PTPRD: variants seen among roughly 807,000 people sequenced by gnomAD.
PTPRD encodes protein tyrosine phosphatase receptor type D.
A neutral mutation model predicts 214.5 loss-of-function variants in PTPRD; 34 were observed. That is an observed-to-expected ratio of 0.16 (90% CI 0.12 to 0.21). The LOEUF (loss-of-function observed/expected upper bound fraction) is 0.21, where lower values mean the gene tolerates loss of function less well. Among genes scored for constraint, PTPRD ranks in the 10% least tolerant of loss-of-function variants. The pLI is 1.00. For synonymous variants in PTPRD, 1,128 were observed against 845.7 expected, an observed-to-expected ratio of 1.33 and a Z score of -5.79; for missense variants, 2,545 against 2,398.7, an observed-to-expected ratio of 1.06 and a Z score of -1.27.
chr9:8,447,505 G>A (rs2095779731), intron 34 of PTPRD, among the ~76,000 whole-genome samples: 1 of 152,080 alleles, frequency 6.6e-6, no homozygotes, highest in Non-Finnish European at 1.5e-5. Flanking sequence ...CTTGAGTTTG[G>A]CCATATTTGC....
intron 8 of PTPRD, among the ~76,000 whole-genome samples, chr9:9,511,375 T>C (rs1224548514): frequency 1.3e-5 from 2 of 151,760 alleles, no homozygotes; most frequent in East Asian, 1.9e-4. Context: ...TTTAAGCACA[T>C]AGCTGATGCT....
intron 2 of PTPRD, among the ~76,000 whole-genome samples, chr9:10,586,629 G>A (rs2132654545): frequency 6.6e-6 from 1 of 152,046 alleles, no homozygotes; most frequent in South Asian, 2.1e-4. Flanking sequence ...TTTGCTTGCG[G>A]GCATAAGACT....
rs2087533085 is a variant in PTPRD, at chr9:9,574,077, T to C, written c.-237+655A>G. Among the ~76,000 whole-genome samples, 4 of 151,878 alleles carry C rather than the reference T, an allele frequency of 2.6e-5. No homozygotes were observed. The South Asian group carries it at 8.3e-4, about 31-fold the overall frequency. ...ATAAGCAACAGATAAACTCTGAAAG[T>C]TGGCTTAGTGAAAATTAATTTCATC... On this transcript the variant is annotated intron_variant, in intron 8 of 45. Transcript: ENST00000381196.
intron 2 of PTPRD, among the ~76,000 whole-genome samples, chr9:10,404,486 G>C (rs988985830): frequency 6.6e-6 from 1 of 151,610 alleles, no homozygotes; most frequent in African/African-American, 2.4e-5. Flanking sequence ...CATAATCTTT[G>C]TTAATTAAAC....
At chr9:9,709,372 A>G (rs1162253184) in intron 7 of PTPRD, among the ~76,000 whole-genome samples, 2 of 152,062 alleles carry the variant, frequency 1.3e-5, no homozygotes, top group East Asian at 1.9e-4. Context: ...AAATGGCAAG[A>G]TACCACATGT....
intron 9 of PTPRD, among the ~76,000 whole-genome samples, chr9:9,277,068 C>G (rs544801751): frequency 2.6e-5 from 4 of 151,498 alleles, no homozygotes; most frequent in African/African-American, 9.6e-5. Context: ...CCTCACTTGT[C>G]AAGCTACAAT....
At chr9:8,948,519 T>TTATATATATATTTATATATATATTTA (rs1555575844) in intron 11 of PTPRD, among the ~76,000 whole-genome samples, 1,554 of 12,600 alleles carry the variant, frequency 0.12, 398 homozygotes, top group Non-Finnish European at 0.22. Flanking sequence ...ATATATATAT[T>TTATATATATATTTATATATATATTTA]TATATATATA....
At chr9:10,300,509 T>A (rs1276074260) in intron 3 of PTPRD, among the ~76,000 whole-genome samples, 2 of 152,184 alleles carry the variant, frequency 1.3e-5, no homozygotes, top group Non-Finnish European at 2.9e-5. Context: ...CAAGCTAAGA[T>A]CCTGGCTTGA....
intron 44 of PTPRD, among the ~76,000 whole-genome samples, chr9:8,324,812 A>T (rs567999881): frequency 6.7e-5 from 10 of 150,298 alleles, no homozygotes; most frequent in African/African-American, 2.4e-4. Flanking sequence ...GTAAGATGGT[A>T]TCTCATTGTG....
chr9:9,722,719 G>A (rs1375621019), intron 7 of PTPRD, among the ~76,000 whole-genome samples: 1 of 151,952 alleles, frequency 6.6e-6, no homozygotes, highest in Non-Finnish European at 1.5e-5. Flanking sequence ...CCACATCCTT[G>A]ACAACACTTA....
At chr9:8,580,223 G>C (rs12684099) in intron 14 of PTPRD, among the ~76,000 whole-genome samples, 59,856 of 151,960 alleles carry the variant, frequency 0.39, 11,985 homozygotes, top group African/African-American at 0.48. Context: ...AAAGGAACAA[G>C]GTAATATGCA....
At chr9:9,471,837 T>C (rs1280356254) in intron 8 of PTPRD, among the ~76,000 whole-genome samples, 9 of 152,172 alleles carry the variant, frequency 5.9e-5, no homozygotes, top group East Asian at 5.8e-4. Flanking sequence ...GCATTCATAC[T>C]TCTATTTTTA....
intron 7 of PTPRD, among the ~76,000 whole-genome samples, chr9:9,621,486 G>T (rs1374471332): frequency 1.3e-5 from 2 of 152,090 alleles, no homozygotes; most frequent in Admixed American, 1.3e-4. Flanking sequence ...TCAGACTCTG[G>T]AATAAATTAT....
chr9:10,250,971 A>G (rs776451529), intron 3 of PTPRD, among the ~76,000 whole-genome samples: 4 of 152,066 alleles, frequency 2.6e-5, no homozygotes, highest in Non-Finnish European at 2.9e-5. Context: ...CAGTGCTACA[A>G]AAGTTTTTCA....
At chr9:8,974,333 G>T (rs2099256036) in intron 11 of PTPRD, among the ~76,000 whole-genome samples, 1 of 151,914 alleles carries the variant, frequency 6.6e-6, no homozygotes, top group African/African-American at 2.4e-5. Context: ...GTTTTTGTCA[G>T]AAATTGCCTT....
intron 4 of PTPRD, among the ~76,000 whole-genome samples, chr9:10,026,625 AG>A (rs2096928065): frequency 6.6e-6 from 1 of 152,126 alleles, no homozygotes; most frequent in Non-Finnish European, 1.5e-5. Context: ...TGCCATCACA[AG>A]GGGGCATTGT....
At chr9:10,118,874 A>ATAAATAAATAAATAAAT (rs1340871497) in intron 3 of PTPRD, among the ~76,000 whole-genome samples, 1 of 146,718 alleles carries the variant, frequency 6.8e-6, no homozygotes, top group Non-Finnish European at 1.5e-5. Context: ...CCAAAAATAA[A>ATAAATAAATAAATAAAT]TAAATAAATA....
intron 3 of PTPRD, among the ~76,000 whole-genome samples, chr9:10,287,653 C>T (rs141651584): frequency 6.6e-6 from 1 of 152,062 alleles, no homozygotes. Context: ...AGTCTGTTCT[C>T]TCTTCTACTG....
chr9:9,492,483 G>A (rs2095960211), intron 8 of PTPRD, among the ~76,000 whole-genome samples: 2 of 152,004 alleles, frequency 1.3e-5, no homozygotes, highest in African/African-American at 4.8e-5. Context: ...GTTTATTCCT[G>A]GAATGCCAAA....
Sources: gnomAD v4.1 joint callset for allele counts (sites outside exome capture counted in the v4.1 genomes callset) on GRCh38, gnomAD v4.1.1 for gene constraint, MANE v1.5 for transcripts, NCBI Gene and HGNC (gene_info 2026-07-23, HGNC 2026-07-21) for gene names.